BDP1: variants seen among roughly 807,000 people sequenced by gnomAD.
BDP1 encodes BDP1 general transcription factor IIIB subunit, also known as transcription factor TFIIIB component B'' homolog.
In BDP1, 169 loss-of-function variants were observed where a neutral mutation model predicts 266.6. The observed-to-expected ratio is 0.63, with a 90% CI of 0.56 to 0.72. BDP1 has a LOEUF of 0.72. Among genes scored for constraint, BDP1 ranks in the 30% least tolerant of loss-of-function variants. The pLI is 0.00. For synonymous variants in BDP1, 1,090 were observed against 1,022.4 expected (o/e 1.07, Z -1.26); for missense variants, 3,015 against 3,053.8 (o/e 0.99, Z 0.30).
intron 25 of BDP1, among the ~76,000 whole-genome samples, chr5:71,528,190 C>G (rs1766030004): frequency 6.6e-6 from 1 of 152,180 alleles, no homozygotes. Context: ...GGGCTGTTAT[C>G]ATTTTACATC....
rs986204227 is a variant in BDP1, at chr5:71,522,955, A to G, written c.5387+6A>G. The G allele has an allele frequency of 4.5e-6, 7 of 1,555,156 alleles. No homozygotes were observed. In the African/African-American group the frequency reaches 6.9e-5, roughly 15 times the overall value. ...TATCTCAATAAACTAACAAGGTAAC[A>G]TTTTATTTAACAAAATGTTTCACAA... On this transcript the variant is annotated splice_donor_region_variant and intron_variant, in intron 24 of 38. Coordinates refer to ENST00000358731, the MANE Select transcript of BDP1 (RefSeq NM_018429.3).
downstream of BDP1, among the ~76,000 whole-genome samples, chr5:71,569,893 C>G (rs1744210842): frequency 1.3e-5 from 2 of 152,188 alleles, no homozygotes; most frequent in South Asian, 4.1e-4. Context: ...TCATTCGGAC[C>G]TGTCTGACTT....
chr5:71,575,625 G>A, the BDP1 span, among the ~76,000 whole-genome samples: 4 of 152,156 alleles, frequency 2.6e-5, no homozygotes, highest in African/African-American at 9.7e-5. Flanking sequence ...GCCTCTTGTA[G>A]TAATAGATCT....
intron 38 of BDP1, 127 bp downstream of exon 38, chr5:71,562,647 C>G (rs1361104087): frequency 6.8e-7 from 1 of 1,478,676 alleles, no homozygotes; most frequent in Non-Finnish European, 9.2e-7. Flanking sequence ...AACTCCCATC[C>G]TTCTCTCCAT....
At chr5:71,473,661 G>A (rs1455425084) in intron 7 of BDP1, among the ~76,000 whole-genome samples, 1 of 151,892 alleles carries the variant, frequency 6.6e-6, no homozygotes, top group African/African-American at 2.4e-5. Context: ...CATTTACTTT[G>A]TGTTTGTTTT....
intron 7 of BDP1, among the ~76,000 whole-genome samples, chr5:71,470,983 C>T (rs1157411317): frequency 6.6e-6 from 1 of 150,966 alleles, no homozygotes; most frequent in East Asian, 1.9e-4. Context: ...TGGGTATAAT[C>T]TTCTTTATGT....
chr5:71,541,951 T>C (rs1416777317), intron 29 of BDP1, among the ~76,000 whole-genome samples, 154 bp from the exon 30 acceptor site: 1 of 152,248 alleles, frequency 6.6e-6, no homozygotes, highest in Non-Finnish European at 1.5e-5. Flanking sequence ...TCTAGTAAAG[T>C]TACTACTTTG....
chr5:71,542,321 T>G, intron 30 of BDP1, 56 bp downstream of exon 30: 2 of 1,420,596 alleles, frequency 1.4e-6, no homozygotes, highest in South Asian at 2.6e-5. Flanking sequence ...GAAATTACAT[T>G]AACATTTCAA....
intron 7 of BDP1, among the ~76,000 whole-genome samples, chr5:71,478,478 A>G (rs1014159071): frequency 6.6e-6 from 1 of 152,140 alleles, no homozygotes; most frequent in African/African-American, 2.4e-5. Context: ...TTTTTATTTC[A>G]GCCTTTCAGC....
rs778062865 is a variant in BDP1 at position 71,486,670 on chromosome 5, A to G, written c.1213+43A>G. 6.3e-6 allele frequency: 9 copies of G among 1,437,522 alleles called. 1 individual carries two copies. The highest frequency in any genetic ancestry group is 5.8e-5 in the Admixed American group (2 of 34,624). 89.0% of individuals were successfully genotyped at this position (1,437,522 alleles called of 1,614,324 possible). A position where few individuals can be genotyped will look rare whatever the true frequency, so the allele number is the denominator to read the frequency against. On this transcript the variant is annotated intron_variant, in intron 9 of 38. Coordinates refer to ENST00000358731, the MANE Select transcript of BDP1 (RefSeq NM_018429.3). ...AAGTGTGATAGTTTACTTAGTAGTA[A>G]TAAACTTGCAATATTGTCCCTCAGG...
Position 71,458,790 on chromosome 5 carries a change from A to C in BDP1, c.424A>C (p.Arg142=). 6.2e-7 allele frequency: 1 copy of C among 1,614,184 alleles called. No homozygotes were observed. Among genetic ancestry groups the C allele is most frequent in the Non-Finnish European group, 8.5e-7 (1 of 1,180,004 alleles). The change falls in exon 2 of 39, where the codon AGA becomes CGA. Residue 142 remains arginine, a synonymous_variant. Coordinates refer to ENST00000358731, the MANE Select transcript of BDP1 (RefSeq NM_018429.3). ...STKEKQPCSD[R]YRIYKAQKLR... ...AAAAGAGAAACAGCCATGCTCAGAC[A>C]GATACCGAATATACAAAGCCCAGAA... is the stretch of plus-strand genomic sequence containing the variant.
chr5:71,496,795 C>G lies in BDP1; in HGVS notation c.1800-475C>G, dbSNP rs1261856600. 2.0e-5 allele frequency among the ~76,000 whole-genome samples: 3 copies of G among 152,186 alleles called. No homozygotes were observed. The East Asian group carries it at 5.8e-4, about 29-fold the overall frequency. On this transcript the variant is annotated intron_variant, in intron 12 of 38. Coordinates refer to ENST00000358731, the MANE Select transcript of BDP1 (RefSeq NM_018429.3). Reference sequence around the variant, plus strand: ...ACGGGGTTTCACCATGTTTGCCAGGCTGGTCTCGAACTCCTGACCTCAGGT... The same window carrying G: ...ACGGGGTTTCACCATGTTTGCCAGGGTGGTCTCGAACTCCTGACCTCAGGT...
Position 71,562,466 on chromosome 5 carries a change from A to G in BDP1, c.7689A>G (p.Pro2563=), listed in dbSNP as rs371206731. ...ATCGAGAGTCCTCTGATCTGCTTCC[A>G]TCTCCAAGTGTTATTACTACTCAAT... ...EKNRESSDLL[P]SPSVITTQSE... Residue 2563 remains proline (P), a synonymous_variant, in exon 38 of 39, where the codon CCA becomes CCG. Transcript: ENST00000358731. The G allele has an allele frequency of 3.7e-6, 6 of 1,613,888 alleles. No homozygotes were observed. The highest frequency in any genetic ancestry group is 5.1e-6 in the Non-Finnish European group (6 of 1,179,906).
At chr5:71,511,400 T>G (rs2150476167) in intron 17 of BDP1, 1 of 413,680 alleles carries the variant, frequency 2.4e-6, no homozygotes, top group Admixed American at 4.0e-5. Context: ...GAAGGATTAC[T>G]TGAGCCCAGG....
At chr5:71,513,760 C>G (rs921857346) in intron 19 of BDP1, among the ~76,000 whole-genome samples, 2 of 151,728 alleles carry the variant, frequency 1.3e-5, no homozygotes, top group Non-Finnish European at 2.9e-5. Flanking sequence ...TCACTCTGTT[C>G]CCAGGCTGGA....
intron 38 of BDP1, chr5:71,562,953 G>A: frequency 8.4e-7 from 1 of 1,193,912 alleles, no homozygotes; most frequent in Non-Finnish European, 1.1e-6. Context: ...TAAAAATATT[G>A]GGGTGACTTA....
chr5:71,577,464 T>C, the BDP1 span, among the ~76,000 whole-genome samples: 5 of 152,212 alleles, frequency 3.3e-5, no homozygotes, highest in African/African-American at 1.2e-4. Context: ...TCCACGATTC[T>C]ATGGTTAGGG....
chr5:71,550,572 G>C (rs561982399), intron 34 of BDP1, among the ~76,000 whole-genome samples: 31 of 152,206 alleles, frequency 2.0e-4, no homozygotes, highest in African/African-American at 6.7e-4. Flanking sequence ...AAAGTGCTGA[G>C]ATTACAGGCA....
intron 5 of BDP1, 124 bp from the exon 6 acceptor site, chr5:71,467,230 T>G: frequency 1.3e-6 from 1 of 750,172 alleles, no homozygotes; most frequent in Non-Finnish European, 2.1e-6. Context: ...ATATTTCACA[T>G]AGGTATTATT....
Sources: allele counts gnomAD v4.1 joint callset (sites outside exome capture counted in the v4.1 genomes callset), GRCh38; gene constraint gnomAD v4.1.1; transcripts MANE v1.5; gene names NCBI Gene and HGNC (gene_info 2026-07-23, HGNC 2026-07-21).